The following SMPD1 variants were observed in gnomAD, a reference collection of about 807,000 sequenced individuals.
SMPD1 encodes sphingomyelin phosphodiesterase.
A neutral mutation model predicts 49.7 loss-of-function variants in SMPD1; 47 were observed. That is an observed-to-expected ratio of 0.95 (90% CI 0.75 to 1.21). The LOEUF is 1.21. Among genes scored for constraint, SMPD1 ranks in the 50% most tolerant of loss-of-function variants. The pLI, the probability that SMPD1 is intolerant of heterozygous loss-of-function variation, is 0.00. For missense variants in SMPD1, 811 were observed against 822.2 expected (o/e 0.99, Z 0.17); for synonymous variants, 336 against 339.6 (o/e 0.99, Z 0.12).
In SMPD1 at chr11:6,390,677, GC is replaced by G. The variant is rs750157176; in HGVS notation, c.84del (p.Gly29AspfsTer48). On this transcript the variant is annotated frameshift_variant, in exon 1 of 6. Transcript: ENST00000342245. LOFTEE classifies it high-confidence loss of function. ...GCAGGGACAAGACGGGACCGCCGGA[GC>G]CCCCGGACTCCTTTGGATGGGCCTG... ...REQGQDGTAGAPGLLWMGLVL... is the reference protein window; with the variant it reads ...REQGQDGTAGXPGLLWMGLVL... 1.6e-5 allele frequency: 26 copies of G among 1,611,658 alleles called. No homozygotes were observed. The highest frequency in any genetic ancestry group is 2.1e-5 in the Non-Finnish European group (25 of 1,178,996).
Position 6,390,796 on chromosome 11 carries a change from C to G in SMPD1, c.198C>G (p.Pro66=), listed in dbSNP as rs770037147. Residue 66 remains proline (P), a synonymous_variant, in exon 1 of 6, where the codon CCC becomes CCG. Transcript: ENST00000342245. ...WAPAEAHPLS[P]QGHPARLHRI... The stretch of plus-strand genomic sequence containing the variant: ...CGGCAGAGGCTCACCCTCTTTCTCC[C>G]CAAGGCCATCCTGCCAGGTTACATC... The G allele has an allele frequency of 6.2e-7, 1 of 1,614,010 alleles. No individual in the cohort carries two copies. Among genetic ancestry groups the G allele is most frequent in the Non-Finnish European group, 8.5e-7 (1 of 1,180,008 alleles).
intron 2 of SMPD1, 169 bp downstream of exon 2, chr11:6,392,325 C>A: frequency 1.7e-6 from 1 of 602,972 alleles, no homozygotes; most frequent in Non-Finnish European, 2.8e-6. Flanking sequence ...TTTGCCGCAC[C>A]AGGCTTTTTT....
In SMPD1 at chr11:6,391,498, G is replaced by A. The variant is rs763512845; in HGVS notation, c.433G>A (p.Val145Met). 3.7e-6 allele frequency: 6 copies of A among 1,613,916 alleles called. No homozygotes were observed. The East Asian group carries it at 6.7e-5, about 18-fold the overall frequency. ...TGTCCACCTCTTTGAGGATGACATG[G>A]TGGAGGTGTGGAGACGCTCAGTGCT... ...SIVHLFEDDM[V>M]EVWRRSVLSP... The change falls in exon 2 of 6, where the codon GTG becomes ATG. Residue 145 changes from valine (V) to methionine (M), a missense_variant. By Grantham distance (21) the Val-to-Met change is conservative (BLOSUM62 1). Transcript: ENST00000342245.
In SMPD1 at chr11:6,390,912, T is replaced by C. The variant is rs751269562; in HGVS notation, c.314T>C (p.Leu105Pro). 3.1e-6 allele frequency: 5 copies of C among 1,614,018 alleles called. No homozygotes were observed. Among genetic ancestry groups the C allele is most frequent in the South Asian group, 2.2e-5 (2 of 91,062 alleles). Residue 105 changes from leucine (L) to proline (P), a missense_variant, in exon 1 of 6, where the codon CTG (leucine) becomes CCG (proline). By Grantham distance (98) the Leu-to-Pro change is moderately conservative (BLOSUM62 -3). Transcript: ENST00000342245. ...CTATTCACCGCCATCAACCTCGGGC[T>C]GAAGGTGAGCACTGAAGGGGCTGCA... Reference protein sequence around the residue: ...KGLFTAINLGLKKEPNVARVG... With the variant: ...KGLFTAINLGPKKEPNVARVG...
chr11:6,391,412 C>T lies in SMPD1; in HGVS notation c.347C>T (p.Ser116Phe). 6.2e-7 allele frequency: 1 copy of T among 1,613,018 alleles called. No homozygotes were observed. Among genetic ancestry groups the T allele is most frequent in the Non-Finnish European group, 8.5e-7 (1 of 1,179,988 alleles). ...GAACCCAATGTGGCTCGCGTGGGCT[C>T]CGTGGCCATCAAGCTGTGCAATCTG... ...KKEPNVARVG[S>F]VAIKLCNLLK... is the part of the protein sequence containing the mutation. Residue 116 changes from serine to phenylalanine, a missense_variant, in exon 2 of 6, where the codon TCC (serine) becomes TTC (phenylalanine). Transcript: ENST00000342245.
At chr11:6,392,418 G>A (rs2134014369) in intron 2 of SMPD1, among the ~76,000 whole-genome samples, 1 of 134,444 alleles carries the variant, frequency 7.4e-6, no homozygotes, top group South Asian at 2.5e-4. Context: ...CTAACCTCAA[G>A]CAATCCTCCC....
chr11:6,393,865 G>T (rs897254008), intron 4 of SMPD1, 31 bp from the exon 5 acceptor site: 1 of 1,613,930 alleles, frequency 6.2e-7, no homozygotes, highest in Non-Finnish European at 8.5e-7. Flanking sequence ...CCCCTCCCTA[G>T]AATCTTCTGA....
Position 6,391,639 on chromosome 11 carries a change from A to ACCCCCCCCCCCCCCC in SMPD1, c.574_575insCCCCCCCCCCCCCCC (p.Ser192delinsThrProProProProArg). On this transcript the variant is annotated protein_altering_variant, in exon 2 of 6. Coordinates refer to ENST00000342245, the MANE Select transcript of SMPD1 (RefSeq NM_000543.5). ...GCCGAAGCCGCCCCCCAAACCCCCT[A>ACCCCCCCCCCCCCCC]GCCCCCCAGCCCCAGGTGCCCCTGT... 1 of 894,306 alleles carries ACCCCCCCCCCCCCCC rather than the reference A, an allele frequency of 1.1e-6. No individual in the cohort carries two copies. Among genetic ancestry groups the ACCCCCCCCCCCCCCC allele is most frequent in the Non-Finnish European group, 1.5e-6 (1 of 674,574 alleles). 55.4% of individuals were successfully genotyped at this position (894,306 alleles called of 1,614,324 possible).
At position 6,392,136 on chromosome 11, in the gene SMPD1, C is replaced by CG; in HGVS notation, c.1072dup (p.Glu358GlyfsTer33). Reference sequence around the variant, plus strand: ...AGGCTTGGGAGCCCTGGCTGCCTGCCGAAGCCCTGCGCACCCTCAGGTACT... The same window carrying CG: ...AGGCTTGGGAGCCCTGGCTGCCTGCCGGAAGCCCTGCGCACCCTCAGGTACT... On this transcript the variant is annotated frameshift_variant, in exon 2 of 6. Transcript: ENST00000342245. LOFTEE classifies it high-confidence loss of function. 1 of 1,614,112 alleles carries CG rather than the reference C, an allele frequency of 6.2e-7. No individual in the cohort carries two copies. The highest frequency in any genetic ancestry group is 8.5e-7 in the Non-Finnish European group (1 of 1,180,022).
At chr11:6,392,715 G>C (rs1328268363) in intron 2 of SMPD1, among the ~76,000 whole-genome samples, 1 of 150,056 alleles carries the variant, frequency 6.7e-6, no homozygotes, top group African/African-American at 2.5e-5. Flanking sequence ...AGATGGTCTT[G>C]ATCTCCTGAC....
At chr11:6,390,972 G>T (rs1329984779) in intron 1 of SMPD1, 56 bp downstream of exon 1, 12 of 1,599,184 alleles carry the variant, frequency 7.5e-6, no homozygotes, top group Admixed American at 3.4e-5. Flanking sequence ...GGGGCTGGGG[G>T]CTGGGGCTGA....
chr11:6,393,164 G>A, intron 2 of SMPD1, 52 bp from the exon 3 acceptor site: 2 of 1,539,892 alleles, frequency 1.3e-6, no homozygotes, highest in South Asian at 2.3e-5. Context: ...GCCCAGCACA[G>A]GAGGACCAGG....
In SMPD1 at chr11:6,391,513, C is replaced by A; in HGVS notation, c.448C>A (p.Arg150Ser). 1.2e-6 allele frequency: 2 copies of A among 1,614,048 alleles called. No homozygotes were observed. Among genetic ancestry groups the A allele is most frequent in the East Asian group, 4.5e-5 (2 of 44,884 alleles). The part of the protein sequence containing the change: ...FEDDMVEVWR[R>S]SVLSPSEACG... Reference sequence around the variant, plus strand: ...GGATGACATGGTGGAGGTGTGGAGACGCTCAGTGCTGAGCCCATCTGAGGC... The same window carrying A: ...GGATGACATGGTGGAGGTGTGGAGAAGCTCAGTGCTGAGCCCATCTGAGGC... The change falls in exon 2 of 6, where the codon CGC becomes AGC. Residue 150 changes from arginine to serine, a missense_variant. By Grantham distance (110) the Arg-to-Ser change is moderately radical. Coordinates refer to ENST00000342245, the MANE Select transcript of SMPD1 (RefSeq NM_000543.5).
Position 6,392,302 on chromosome 11 carries a change from C to G in SMPD1, c.1091+146C>G. The G allele has an allele frequency of 3.9e-6, 3 of 770,744 alleles. No homozygotes were observed. In the South Asian group the frequency reaches 4.9e-5, roughly 13 times the overall value. The allele number at this position is 770,744 out of a possible 1,614,324, so 47.7% of individuals were successfully genotyped here. ...GGCTCCCCTAATCTGACTCCTCCTT[C>G]CCTTTCTACTGTTTTGCCGCACCAG... On this transcript the variant is annotated intron_variant, in intron 2 of 5. Coordinates refer to ENST00000342245, the MANE Select transcript of SMPD1 (RefSeq NM_000543.5).
rs1416811638 is a variant in SMPD1 at position 6,394,471 on chromosome 11, G to C, written c.1760G>C (p.Gly587Ala). ...HKGHPPSEPC[G>A]TPCRLATLCA... is the part of the protein sequence containing the mutation. ...GGCCACCCACCCTCGGAGCCCTGTG[G>C]CACGCCCTGCCGTCTGGCTACTCTT... Residue 587 changes from glycine to alanine, a missense_variant, in exon 6 of 6, where the codon GGC becomes GCC. Physicochemically the swap from Gly to Ala is moderately conservative, Grantham distance 60. Coordinates refer to ENST00000342245, the MANE Select transcript of SMPD1 (RefSeq NM_000543.5). 1 of 1,614,044 alleles carries C rather than the reference G, an allele frequency of 6.2e-7. No individual in the cohort carries two copies. The highest frequency in any genetic ancestry group is 8.5e-7 in the Non-Finnish European group (1 of 1,180,032).
chr11:6,390,942 A>G (rs1188006325), intron 1 of SMPD1, 26 bp downstream of exon 1: 2 of 1,612,844 alleles, frequency 1.2e-6, no homozygotes, highest in Non-Finnish European at 1.7e-6. Flanking sequence ...GCTGCAGTGG[A>G]GGAGGCCGAA....
Position 6,394,309 on chromosome 11 carries a change from C to A in SMPD1, c.1598C>A (p.Pro533Gln), listed in dbSNP as rs199915216. The A allele has an allele frequency of 2.8e-5, 45 of 1,614,100 alleles. No homozygotes were observed. In the South Asian group the frequency reaches 4.5e-4, roughly 16 times the overall value. Reference sequence around the variant, plus strand: ...CAGGCAAACATACCGGGAGCCATACCGCACTGGCAGCTTCTCTACAGGGCT... The same window carrying A: ...CAGGCAAACATACCGGGAGCCATACAGCACTGGCAGCTTCTCTACAGGGCT... ...LTQANIPGAI[P>Q]HWQLLYRARE... The change falls in exon 6 of 6, where the codon CCG becomes CAG. Residue 533 changes from proline (P) to glutamine (Q), a missense_variant. By Grantham distance (76) the Pro-to-Gln change is moderately conservative (BLOSUM62 -1). Transcript: ENST00000342245.
rs760627709 is a variant in SMPD1 at position 6,390,644 on chromosome 11, G to A, written c.46G>A (p.Gly16Ser). The A allele has an allele frequency of 6.2e-7, 1 of 1,613,236 alleles. No homozygotes were observed. Among genetic ancestry groups the A allele is most frequent in the Non-Finnish European group, 8.5e-7 (1 of 1,179,792 alleles). ...ACTCCGCCAGAGCTGCCCCAGGTCCGGCCGGGAGCAGGGACAAGACGGGAC... is the reference window on the plus strand; with the variant it reads ...ACTCCGCCAGAGCTGCCCCAGGTCCAGCCGGGAGCAGGGACAAGACGGGAC... ...ASLRQSCPRS[G>S]REQGQDGTAG... is the part of the protein sequence containing the mutation. The change falls in exon 1 of 6, where the codon GGC becomes AGC. Residue 16 changes from glycine to serine, a missense_variant. Transcript: ENST00000342245.
intron 2 of SMPD1, among the ~76,000 whole-genome samples, chr11:6,392,841 G>T (rs1847996118): frequency 2.0e-5 from 3 of 151,812 alleles, no homozygotes; most frequent in African/African-American, 7.3e-5. Context: ...TCCTTCAAAG[G>T]TCTGGCAGCA....
Sources: allele counts gnomAD v4.1 joint callset (sites outside exome capture counted in the v4.1 genomes callset), GRCh38; gene constraint gnomAD v4.1.1; transcripts MANE v1.5; gene names NCBI Gene and HGNC (gene_info 2026-07-23, HGNC 2026-07-21).